CDH18: variants seen among roughly 807,000 people sequenced by gnomAD.
The protein encoded by CDH18 is cadherin 18, also known as cadherin-18.
A neutral mutation model predicts 67.9 loss-of-function variants in CDH18; 31 were observed. That is an observed-to-expected ratio of 0.46 (90% confidence interval 0.34 to 0.62). The LOEUF (loss-of-function observed/expected upper bound fraction) is 0.62, where lower values mean the gene tolerates loss of function less well. Ranked by LOEUF, CDH18 falls within the 20% of genes least tolerant of loss-of-function variation. CDH18 has a pLI of 0.01. For missense variants in CDH18, 890 were observed against 975.5 expected (o/e 0.91, Z 1.17); for synonymous variants, 362 against 347.2 (o/e 1.04, Z -0.48).
chr5:20,379,212 A>G (rs1163359699), intron 1 of CDH18, among the ~76,000 whole-genome samples: 1 of 152,220 alleles, frequency 6.6e-6, no homozygotes, highest in Non-Finnish European at 1.5e-5. Flanking sequence ...CAACAACTTT[A>G]TTAGTTTGCT....
intron 2 of CDH18, among the ~76,000 whole-genome samples, chr5:20,101,512 A>G (rs578222829): frequency 2.0e-5 from 3 of 152,204 alleles, no homozygotes; most frequent in African/African-American, 7.2e-5. Flanking sequence ...TTGAAGATGC[A>G]TAAGAAACGC....
chr5:20,475,528 A>G (rs893823811), intron 1 of CDH18, among the ~76,000 whole-genome samples: 1 of 152,198 alleles, frequency 6.6e-6, no homozygotes, highest in African/African-American at 2.4e-5. Flanking sequence ...TATAAATTCA[A>G]CTGATTAGCT....
At chr5:19,532,154 G>A (rs1002526113) in intron 9 of CDH18, among the ~76,000 whole-genome samples, 15 of 151,650 alleles carry the variant, frequency 9.9e-5, no homozygotes, top group African/African-American at 3.4e-4. Context: ...TATTTTTTTG[G>A]GTCTTTTTTT....
Position 19,953,588 on chromosome 5 carries a change from G to A in CDH18, c.-257+27472C>T, listed in dbSNP as rs138574254. On this transcript the variant is annotated intron_variant, in intron 2 of 12. Coordinates refer to ENST00000382275, the MANE Select transcript of CDH18 (RefSeq NM_004934.5). ...AATAATTACAGACAAGACTTAAAAA[G>A]TAATGAATATCAAATACATGTTTAT... is the stretch of plus-strand genomic sequence containing the variant. Among the ~76,000 whole-genome samples, 323 of 152,098 alleles carry A rather than the reference G, an allele frequency of 2.1e-3. 2 individuals are homozygous for A. Among genetic ancestry groups the A allele is most frequent in the African/African-American group, 7.0e-3 (291 of 41,544 alleles).
rs1402874231 is a variant in CDH18, at chr5:19,994,722, TATATATATATATATATAGAGAGAGAGAG to T, written c.-517-2736_-517-2709del. ...TCCAGTATATATATATATATATATA[TATATATATATATATATAGAGAGAGAGAG>T]AGAGAGAGAGAGAGAGAGAGAGAGA... On this transcript the variant is annotated intron_variant, in intron 2 of 14. Coordinates refer to the CDH18 transcript ENST00000507958. Among the ~76,000 whole-genome samples the T allele has an allele frequency of 5.0e-4, 12 of 23,994 alleles. 1 individual carries two copies. The highest frequency in any genetic ancestry group is 2.7e-3 in the South Asian group (1 of 370). 15.7% of individuals were successfully genotyped at this position (23,994 alleles called of 152,430 possible). A position where few individuals can be genotyped will look rare whatever the true frequency, so the allele number is the denominator to read the frequency against.
At chr5:19,637,304 T>C (rs1753302780) in intron 5 of CDH18, among the ~76,000 whole-genome samples, 3 of 152,226 alleles carry the variant, frequency 2.0e-5, no homozygotes, top group South Asian at 4.1e-4. Flanking sequence ...AATTAATATA[T>C]GCATTTACCT....
At chr5:19,696,411 C>T (rs2150450256) in intron 5 of CDH18, among the ~76,000 whole-genome samples, 1 of 151,994 alleles carries the variant, frequency 6.6e-6, no homozygotes, top group South Asian at 2.1e-4. Flanking sequence ...GTGGCACAAC[C>T]TGTAGTCCCA....
intron 2 of CDH18, chr5:19,886,259 C>T (rs1788178844): frequency 6.6e-6 from 1 of 152,086 alleles, no homozygotes; most frequent in Non-Finnish European, 1.5e-5. Context: ...CATTAGATGA[C>T]TGCAGTACTT....
At chr5:19,824,665 A>C (rs1245564318) in intron 3 of CDH18, among the ~76,000 whole-genome samples, 1 of 151,902 alleles carries the variant, frequency 6.6e-6, no homozygotes, top group Non-Finnish European at 1.5e-5. Context: ...AGATTGCTTC[A>C]CTCCTCCTAG....
chr5:19,716,892 G>C lies in CDH18; in HGVS notation c.643+4455C>G, dbSNP rs148495068. Among the ~76,000 whole-genome samples, 14 of 152,014 alleles carry C rather than the reference G, an allele frequency of 9.2e-5. No homozygotes were observed. In the East Asian group the frequency reaches 2.7e-3, roughly 29 times the overall value. Reference sequence around the variant, plus strand: ...ATATTCTTACATTAAGATATGTAAAGACTGTATGAAAAATGATACATGAGT... The same window carrying C: ...ATATTCTTACATTAAGATATGTAAACACTGTATGAAAAATGATACATGAGT... On this transcript the variant is annotated intron_variant, in intron 5 of 12. Coordinates refer to ENST00000382275, the MANE Select transcript of CDH18 (RefSeq NM_004934.5).
intron 1 of CDH18, chr5:20,305,537 C>G (rs1304721097): frequency 9.9e-6 from 8 of 808,134 alleles, no homozygotes; most frequent in Non-Finnish European, 1.7e-5. Flanking sequence ...GGGTCTCGAG[C>G]GGCTGGTGGT....
chr5:20,172,810 G>C (rs964809749), intron 2 of CDH18, among the ~76,000 whole-genome samples: 20 of 151,880 alleles, frequency 1.3e-4, no homozygotes, highest in African/African-American at 4.8e-4. Flanking sequence ...GACCAACATG[G>C]AGAAACCCTG....
chr5:20,554,079 T>C (rs1757779787), intron 1 of CDH18, among the ~76,000 whole-genome samples: 1 of 152,208 alleles, frequency 6.6e-6, no homozygotes, highest in African/African-American at 2.4e-5. Context: ...TATTTTTAAA[T>C]GTAATGTTTT....
chr5:19,861,302 A>G (rs1463521587), intron 2 of CDH18, among the ~76,000 whole-genome samples: 1 of 150,654 alleles, frequency 6.6e-6, no homozygotes, highest in African/African-American at 2.4e-5. Flanking sequence ...TTTTTTTTAT[A>G]TCTGGGGACA....
chr5:19,810,220 C>T (rs542277802), intron 3 of CDH18, among the ~76,000 whole-genome samples: 2 of 152,116 alleles, frequency 1.3e-5, no homozygotes, highest in South Asian at 4.2e-4. Context: ...ACCCCAGCTA[C>T]TCGGGAGGAC....
intron 2 of CDH18, among the ~76,000 whole-genome samples, chr5:20,252,764 C>T (rs1248899418): frequency 6.6e-6 from 1 of 151,840 alleles, no homozygotes; most frequent in Non-Finnish European, 1.5e-5. Context: ...GGTGAAACCC[C>T]GTCTCTACTA....
chr5:20,095,871 T>C (rs1580231111), intron 2 of CDH18, among the ~76,000 whole-genome samples: 2 of 151,280 alleles, frequency 1.3e-5, no homozygotes, highest in East Asian at 1.9e-4. Context: ...AAAAATAAAA[T>C]AATTTAAATT....
chr5:20,023,238 CA>C (rs1738580831), intron 2 of CDH18, among the ~76,000 whole-genome samples: 1 of 152,196 alleles, frequency 6.6e-6, no homozygotes, highest in African/African-American at 2.4e-5. Flanking sequence ...TCAATTCCCA[CA>C]AACTAATATC....
chr5:20,079,746 T>G (rs1307337751), intron 2 of CDH18, among the ~76,000 whole-genome samples: 1 of 152,168 alleles, frequency 6.6e-6, no homozygotes, highest in Non-Finnish European at 1.5e-5. Flanking sequence ...ACTGCTATAA[T>G]AAGTTACCAA....
Sources: gnomAD v4.1 joint callset for allele counts (sites outside exome capture counted in the v4.1 genomes callset) on GRCh38, gnomAD v4.1.1 for gene constraint, MANE v1.5 for transcripts, NCBI Gene and HGNC (gene_info 2026-07-23, HGNC 2026-07-21) for gene names.